HACD1: variants seen among roughly 807,000 people sequenced by gnomAD.
The protein encoded by HACD1 is very-long-chain (3R)-3-hydroxyacyl-CoA dehydratase 1.
In HACD1, 41 loss-of-function variants were observed where a neutral mutation model predicts 32.0. The ratio of observed to expected loss-of-function variants is 1.28; its 90% CI spans 1.00 to 1.66. The LOEUF is 1.66. HACD1 is among the 40% of genes most tolerant of loss of function. The pLI is 0.00. For synonymous variants in HACD1, 142 were observed against 139.0 expected (o/e 1.02, Z -0.15); for missense variants, 396 against 380.1 (o/e 1.04, Z -0.35).
chr10:17,599,503 A>G, intron 4 of HACD1, 92 bp from the exon 5 acceptor site: 6 of 1,464,942 alleles, frequency 4.1e-6, no homozygotes, highest in South Asian at 2.8e-5. Flanking sequence ...CCTTTTATTT[A>G]TAATGGAATG....
At chr10:17,595,185 A>G (rs1047635433) in intron 5 of HACD1, among the ~76,000 whole-genome samples, 42 of 152,062 alleles carry the variant, frequency 2.8e-4, no homozygotes, top group African/African-American at 9.4e-4. Flanking sequence ...AAGTATTGTA[A>G]TGGTAACTTC....
intron 6 of HACD1, 39 bp from the exon 7 acceptor site, chr10:17,590,485 C>T (rs782008596): frequency 5.5e-6 from 8 of 1,450,364 alleles, no homozygotes; most frequent in Non-Finnish European, 7.6e-6. Context: ...CAAGCTATTG[C>T]TTTAAAATTA....
chr10:17,602,992 A>G (rs1233943678), intron 4 of HACD1: 1 of 152,050 alleles, frequency 6.6e-6, no homozygotes, highest in Non-Finnish European at 1.5e-5. Context: ...GGTTCAAGCG[A>G]TTCTTCTGCC....
chr10:17,589,491 T>C lies in HACD1; in HGVS notation c.*873A>G, dbSNP rs1457482864. 1 of 152,212 alleles carries C rather than the reference T, an allele frequency of 6.6e-6. No individual in the cohort carries two copies. The highest frequency in any genetic ancestry group is 2.4e-5 in the African/African-American group (1 of 41,442). 9.4% of individuals were successfully genotyped at this position (152,212 alleles called of 1,614,324 possible). The stretch of plus-strand genomic sequence containing the variant: ...TTTTTTTAGGGATGGGGTCTTGCTA[T>C]GTTGCCCAGACTGGCCTTGAACTTC... On this transcript the variant is annotated 3_prime_UTR_variant, in exon 7 of 7. Coordinates refer to ENST00000361271, the MANE Select transcript of HACD1 (RefSeq NM_014241.4).
chr10:17,595,087 G>A (rs1353989180), intron 5 of HACD1, among the ~76,000 whole-genome samples: 5 of 152,090 alleles, frequency 3.3e-5, no homozygotes, highest in South Asian at 4.2e-4. Context: ...TTGAACTCCT[G>A]CCTTCAGGTG....
intron 5 of HACD1, among the ~76,000 whole-genome samples, chr10:17,598,316 A>G (rs575485130): frequency 6.6e-6 from 1 of 151,122 alleles, no homozygotes; most frequent in Non-Finnish European, 1.5e-5. Flanking sequence ...AACAGTGGTT[A>G]TCCTTGGTTA....
intron 5 of HACD1, among the ~76,000 whole-genome samples, chr10:17,597,309 T>A (rs1337229735): frequency 1.3e-5 from 2 of 152,134 alleles, no homozygotes; most frequent in Admixed American, 1.3e-4. Context: ...GCTAATTTTT[T>A]AATTTTTTAG....
At chr10:17,599,141 C>G (rs1834033674) in intron 5 of HACD1, 149 bp downstream of exon 5, 3 of 1,288,528 alleles carry the variant, frequency 2.3e-6, no homozygotes, top group Non-Finnish European at 3.0e-6. Flanking sequence ...CAAATCATAA[C>G]TTGTATAATT....
intron 1 of HACD1, chr10:17,615,874 G>A (rs533870354): frequency 2.1e-5 from 9 of 425,914 alleles, no homozygotes; most frequent in African/African-American, 1.6e-4. Flanking sequence ...GGCCGAGGCA[G>A]GAGAATCGCT....
chr10:17,601,565 A>G (rs1834070877), intron 4 of HACD1, among the ~76,000 whole-genome samples: 2 of 151,998 alleles, frequency 1.3e-5, no homozygotes, highest in Non-Finnish European at 2.9e-5. Flanking sequence ...CTTTACCTCC[A>G]TCTCTCTAGT....
intron 4 of HACD1, among the ~76,000 whole-genome samples, chr10:17,599,884 G>T (rs1834045114): frequency 6.6e-6 from 1 of 152,084 alleles, no homozygotes; most frequent in South Asian, 2.1e-4. Flanking sequence ...TTGTCCTCAT[G>T]AATGCAAGTT....
intron 1 of HACD1, among the ~76,000 whole-genome samples, chr10:17,613,198 A>G (rs1833019098): frequency 6.7e-6 from 1 of 149,636 alleles, no homozygotes; most frequent in South Asian, 2.1e-4. Context: ...GTCTTAAACT[A>G]CTGGACTCAA....
rs11254678 is a variant in HACD1 at position 17,596,201 on chromosome 10, C to T, written c.606-1818G>A. ...ATTATTCCTGTATGTCAAGGATATG[C>T]GAAGATAAGAGATGGGGAGAAGGGC... On this transcript the variant is annotated intron_variant, in intron 5 of 6. Transcript: ENST00000361271. Among the ~76,000 whole-genome samples the T allele has an allele frequency of 3.4e-3, 518 of 151,930 alleles. 5 individuals are homozygous for T. The highest frequency in any genetic ancestry group is 0.012 in the African/African-American group (502 of 41,424).
At chr10:17,606,511 T>A (rs930821105) in intron 1 of HACD1, among the ~76,000 whole-genome samples, 34 of 152,240 alleles carry the variant, frequency 2.2e-4, no homozygotes, top group African/African-American at 8.0e-4. Context: ...AAGAGTCTAG[T>A]AAGTAGATTT....
Position 17,617,310 on chromosome 10 carries a change from C to A in HACD1, c.30G>T (p.Ala10=). The change falls in exon 1 of 7, where the codon GCG becomes GCT. Residue 10 remains alanine, a synonymous_variant. Transcript: ENST00000361271. The part of the protein sequence containing the change: MGRLTEAAA[A]GSGSRAAGWA... The stretch of plus-strand genomic sequence containing the variant: ...AGCCTGCAGCCCGAGAGCCGCTGCC[C>A]GCTGCCGCCGCTTCCGTCAGGCGCC... 1 of 1,440,556 alleles carries A rather than the reference C, an allele frequency of 6.9e-7. No homozygotes were observed. The highest frequency in any genetic ancestry group is 9.1e-7 in the Non-Finnish European group (1 of 1,102,926). The allele number at this position is 1,440,556 out of a possible 1,614,324, so 89.2% of individuals were successfully genotyped here. A position where few individuals can be genotyped will look rare whatever the true frequency, so the allele number is the denominator to read the frequency against.
chr10:17,609,672 G>A (rs1834202369), intron 1 of HACD1, among the ~76,000 whole-genome samples: 1 of 152,142 alleles, frequency 6.6e-6, no homozygotes, highest in Non-Finnish European at 1.5e-5. Flanking sequence ...TTCATTGCGA[G>A]AGGGAAGATA....
At chr10:17,595,089 C>A (rs1833979542) in intron 5 of HACD1, among the ~76,000 whole-genome samples, 1 of 151,564 alleles carries the variant, frequency 6.6e-6, no homozygotes, top group Non-Finnish European at 1.5e-5. Context: ...GAACTCCTGC[C>A]TTCAGGTGAT....
At chr10:17,590,796 C>T (rs555871616) in intron 6 of HACD1, among the ~76,000 whole-genome samples, 3 of 152,054 alleles carry the variant, frequency 2.0e-5, no homozygotes, top group Middle Eastern at 3.2e-3. Flanking sequence ...CTCAGTCTCC[C>T]GAGTAGCTGA....
Position 17,590,191 on chromosome 10 carries a change from T to C in HACD1, c.*173A>G, listed in dbSNP as rs537522741. On this transcript the variant is annotated 3_prime_UTR_variant, in exon 7 of 7. Coordinates refer to ENST00000361271, the MANE Select transcript of HACD1 (RefSeq NM_014241.4). ...ATATTTGCACAGTTCTTGTAAAAAA[T>C]AGATCTGGCACAAGAGGAACACAAA... 102 of 423,066 alleles carry C rather than the reference T, an allele frequency of 2.4e-4. 1 individual carries two copies. Among genetic ancestry groups the C allele is most frequent in the South Asian group, 1.9e-3 (32 of 17,076 alleles). 26.2% of individuals were successfully genotyped at this position (423,066 alleles called of 1,614,324 possible).
Sources: allele counts gnomAD v4.1 joint callset (sites outside exome capture counted in the v4.1 genomes callset), GRCh38; gene constraint gnomAD v4.1.1; transcripts MANE v1.5; gene names NCBI Gene and HGNC (gene_info 2026-07-23, HGNC 2026-07-21).